The following CAMTA1 variants were observed in gnomAD, a reference collection of about 807,000 sequenced individuals.
The protein encoded by CAMTA1 is calmodulin-binding transcription activator 1.
In CAMTA1, 27 loss-of-function variants were observed where a neutral mutation model predicts 170.9. The ratio of observed to expected loss-of-function variants is 0.16; its 90% CI spans 0.12 to 0.22. The LOEUF is 0.22. Ranked by LOEUF, CAMTA1 falls within the 10% of genes least tolerant of loss-of-function variation. The probability of loss-of-function intolerance (pLI) is 1.00; values close to 1 mark genes in which losing one functional copy is unlikely to be tolerated. For synonymous variants in CAMTA1, 833 were observed against 891.5 expected (o/e 0.93, Z 1.17); for missense variants, 1,619 against 2,217.2 (o/e 0.73, Z 5.42).
chr1:7,232,770 C>A (rs1167759548), intron 4 of CAMTA1, among the ~76,000 whole-genome samples: 1 of 152,154 alleles, frequency 6.6e-6, no homozygotes, highest in Non-Finnish European at 1.5e-5. Context: ...AAAAGAAGAA[C>A]AAAGCGCATT....
In CAMTA1 at chr1:7,067,677, AAGGGC is replaced by A. The variant is rs1558050198; in HGVS notation, c.235-23625_235-23621del. ...TCTGAGAGGATCAGTTTTACCAGGC[AAGGGC>A]AACTTTTGATGGTTTCCCCAATAGC... On this transcript the variant is annotated intron_variant, in intron 3 of 22. Coordinates refer to ENST00000303635, the MANE Select transcript of CAMTA1 (RefSeq NM_015215.4). This position sits in a 1 kb window ranked among gnomAD's most constrained non-coding sequence, Gnocchi z 4.3. Among the ~76,000 whole-genome samples, 2 of 152,084 alleles carry A rather than the reference AAGGGC, an allele frequency of 1.3e-5. No homozygotes were observed. Among genetic ancestry groups the A allele is most frequent in the African/African-American group, 4.8e-5 (2 of 41,410 alleles).
At chr1:7,704,948 C>T (rs1179786895) in intron 11 of CAMTA1, among the ~76,000 whole-genome samples, 24 of 92,156 alleles carry the variant, frequency 2.6e-4, no homozygotes, top group East Asian at 2.2e-3. Context: ...TCGAGGGCGG[C>T]GGCCGGCGGG....
chr1:7,133,453 G>T (rs996939647), intron 4 of CAMTA1, among the ~76,000 whole-genome samples: 1 of 151,902 alleles, frequency 6.6e-6, no homozygotes, highest in African/African-American at 2.4e-5. Context: ...TTAATAATTT[G>T]TGTCTTCTTT....
chr1:6,982,382 G>A (rs1052878386), intron 3 of CAMTA1, among the ~76,000 whole-genome samples: 3 of 152,190 alleles, frequency 2.0e-5, no homozygotes, highest in African/African-American at 7.2e-5. Flanking sequence ...TCCCATGCTG[G>A]CCACAGGCAA....
At chr1:7,395,179 G>T (rs2089189704) in intron 5 of CAMTA1, among the ~76,000 whole-genome samples, 1 of 152,148 alleles carries the variant, frequency 6.6e-6, no homozygotes, top group East Asian at 1.9e-4. Context: ...CACCGCACCT[G>T]GCCTCTTCTA....
chr1:6,903,737 A>T (rs561978949), intron 3 of CAMTA1, among the ~76,000 whole-genome samples: 1 of 152,206 alleles, frequency 6.6e-6, no homozygotes, highest in African/African-American at 2.4e-5. Flanking sequence ...GACTTTCCAT[A>T]TGCCTAATCT....
intron 3 of CAMTA1, among the ~76,000 whole-genome samples, chr1:6,882,032 C>T (rs1280808908): frequency 6.6e-6 from 1 of 152,154 alleles, no homozygotes; most frequent in Non-Finnish European, 1.5e-5. Context: ...TCTTCCAGGG[C>T]AGGGCCAGCA....
chr1:7,434,109 C>G (rs2092271659), intron 5 of CAMTA1, among the ~76,000 whole-genome samples: 1 of 152,170 alleles, frequency 6.6e-6, no homozygotes, highest in African/African-American at 2.4e-5. Context: ...AGAGTCCCTC[C>G]CCAAGCATCC....
chr1:6,915,113 C>T (rs1295461880), intron 3 of CAMTA1, among the ~76,000 whole-genome samples: 1 of 152,100 alleles, frequency 6.6e-6, no homozygotes, highest in African/African-American at 2.4e-5. Flanking sequence ...CAATTCATTA[C>T]TTTTTGAAAA....
Position 7,747,213 on chromosome 1 carries a change from TG to T in CAMTA1, c.4618-495del, listed in dbSNP as rs144719218. ...GTGACCTAAAGCAGGGGTTTTCAACTGGAGGCCTGGGGGCTGACTCCAGGCA... is the reference window on the plus strand; with the variant it reads ...GTGACCTAAAGCAGGGGTTTTCAACTGAGGCCTGGGGGCTGACTCCAGGCA... On this transcript the variant is annotated intron_variant, in intron 18 of 22. Transcript: ENST00000303635. Among the ~76,000 whole-genome samples, 362 of 152,316 alleles carry T rather than the reference TG, an allele frequency of 2.4e-3. 4 individuals carry two copies. In the East Asian group the frequency reaches 0.027, roughly 12 times the overall value.
chr1:7,564,865 A>T (rs2095018164), intron 6 of CAMTA1, among the ~76,000 whole-genome samples: 1 of 151,948 alleles, frequency 6.6e-6, no homozygotes, highest in Non-Finnish European at 1.5e-5. Flanking sequence ...GAGAACAAAG[A>T]GACAATGAAC....
intron 3 of CAMTA1, among the ~76,000 whole-genome samples, chr1:6,957,553 G>A (rs766141446): frequency 4.6e-5 from 7 of 152,102 alleles, no homozygotes; most frequent in South Asian, 4.2e-4. Flanking sequence ...TTCCTCCGTC[G>A]TCAAAGCCAG....
At chr1:7,695,426 C>G (rs1373373562) in intron 11 of CAMTA1, among the ~76,000 whole-genome samples, 1 of 152,136 alleles carries the variant, frequency 6.6e-6, no homozygotes, top group African/African-American at 2.4e-5. Context: ...AGTGGGTGCT[C>G]ATTTTTATAT....
chr1:7,228,407 G>A (rs1035333453), intron 4 of CAMTA1, among the ~76,000 whole-genome samples: 9 of 152,178 alleles, frequency 5.9e-5, no homozygotes, highest in Non-Finnish European at 7.3e-5. Context: ...AGTGGGGCTC[G>A]TGCATGTGAG....
intron 4 of CAMTA1, among the ~76,000 whole-genome samples, chr1:7,237,990 T>G (rs577906493): frequency 2.4e-4 from 37 of 152,210 alleles, no homozygotes; most frequent in Admixed American, 5.9e-4. Flanking sequence ...CTTAAGGAGC[T>G]GAGCTAAAAT....
chr1:7,216,627 C>T lies in CAMTA1; in HGVS notation c.303-32864C>T, dbSNP rs1659793183. ...CTGGGTTCAAGCAATCCTTGTGCCT[C>T]AGCCTCCCGAATGGCTGAGACTACA... On this transcript the variant is annotated intron_variant, in intron 4 of 22. Coordinates refer to ENST00000303635, the MANE Select transcript of CAMTA1 (RefSeq NM_015215.4). This position sits in a 1 kb window ranked among gnomAD's most constrained non-coding sequence, Gnocchi z 4.0. 6.6e-6 allele frequency among the ~76,000 whole-genome samples: 1 copy of T among 152,164 alleles called. No homozygotes were observed. The highest frequency in any genetic ancestry group is 2.1e-4 in the South Asian group (1 of 4,824).
intron 4 of CAMTA1, among the ~76,000 whole-genome samples, chr1:7,179,929 G>C (rs1651751229): frequency 1.3e-5 from 2 of 152,156 alleles, no homozygotes; most frequent in Non-Finnish European, 2.9e-5. Flanking sequence ...CAGTAGACCT[G>C]ATTAGCAATC....
intron 5 of CAMTA1, among the ~76,000 whole-genome samples, chr1:7,445,397 G>A (rs1288989833): frequency 6.6e-6 from 1 of 151,932 alleles, no homozygotes; most frequent in Admixed American, 6.5e-5. Flanking sequence ...CATGGGAGCT[G>A]TGGTCTGAGC....
At chr1:7,149,939 C>A (rs562910604) in intron 4 of CAMTA1, among the ~76,000 whole-genome samples, 39 of 152,336 alleles carry the variant, frequency 2.6e-4, no homozygotes, top group Middle Eastern at 3.4e-3. Context: ...TACCTGGGGG[C>A]TTGTACTGCC....
Sources: allele counts gnomAD v4.1 joint callset (sites outside exome capture counted in the v4.1 genomes callset), GRCh38; gene constraint gnomAD v4.1.1; non-coding constraint Gnocchi (gnomAD v3.1); transcripts MANE v1.5; gene names NCBI Gene and HGNC (gene_info 2026-07-23, HGNC 2026-07-21).